PRKAA2: variants seen among roughly 807,000 people sequenced by gnomAD.
PRKAA2 encodes the protein protein kinase AMP-activated catalytic subunit alpha 2.
Under a neutral mutation model 56.3 loss-of-function variants are expected in PRKAA2, and 40 were observed. That is an observed-to-expected ratio of 0.71 (90% CI 0.55 to 0.92). The LOEUF is 0.92. Among genes scored for constraint, PRKAA2 ranks in the 40% least tolerant of loss-of-function variants. The pLI is 0.00. For synonymous variants in PRKAA2, 214 were observed against 234.2 expected (o/e 0.91, Z 0.79); for missense variants, 542 against 686.9 (o/e 0.79, Z 2.36).
intron 2 of PRKAA2, among the ~76,000 whole-genome samples, chr1:56,689,177 A>T (rs1237835069): frequency 6.6e-6 from 1 of 152,190 alleles, no homozygotes; most frequent in Non-Finnish European, 1.5e-5. Context: ...TTGTTACTAA[A>T]TCAGACCAAC....
At chr1:56,654,933 AT>A (rs1484013539) in intron 1 of PRKAA2, among the ~76,000 whole-genome samples, 1 of 151,950 alleles carries the variant, frequency 6.6e-6, no homozygotes, top group Non-Finnish European at 1.5e-5. Context: ...ATTAAAGATA[AT>A]TTATAAAATC....
At chr1:56,688,796 G>T (rs1035189535) in intron 2 of PRKAA2, among the ~76,000 whole-genome samples, 1 of 152,210 alleles carries the variant, frequency 6.6e-6, no homozygotes, top group South Asian at 2.1e-4. Flanking sequence ...TGTTTGAAGA[G>T]AATCTTTATT....
chr1:56,645,872 G>C (rs1646636580), intron 1 of PRKAA2, among the ~76,000 whole-genome samples: 1 of 152,204 alleles, frequency 6.6e-6, no homozygotes, highest in African/African-American at 2.4e-5. Flanking sequence ...GCTTAGGGCG[G>C]GGATCATCCA....
At chr1:56,653,599 A>G (rs961971512) in intron 1 of PRKAA2, among the ~76,000 whole-genome samples, 2 of 152,146 alleles carry the variant, frequency 1.3e-5, no homozygotes, top group African/African-American at 4.8e-5. Flanking sequence ...AAATGTACAT[A>G]GATGAAAAAG....
intron 1 of PRKAA2, among the ~76,000 whole-genome samples, chr1:56,655,280 A>ATTTTTTTTTT (rs1207874046): frequency 1.2e-4 from 11 of 93,654 alleles, no homozygotes; most frequent in Admixed American, 8.2e-4. Context: ...ATATATATAT[A>ATTTTTTTTTT]TTTTTTTTTT....
intron 1 of PRKAA2, among the ~76,000 whole-genome samples, chr1:56,662,136 G>T (rs1643998602): frequency 6.6e-6 from 1 of 151,962 alleles, no homozygotes; most frequent in African/African-American, 2.4e-5. Flanking sequence ...CATTTGTTAG[G>T]CAAGTGTGTC....
intron 2 of PRKAA2, among the ~76,000 whole-genome samples, chr1:56,682,983 A>T (rs1644165517): frequency 6.6e-6 from 1 of 151,382 alleles, no homozygotes; most frequent in Admixed American, 6.6e-5. Flanking sequence ...CCTGGTCTAG[A>T]TGGAGAGAAA....
intron 1 of PRKAA2, among the ~76,000 whole-genome samples, chr1:56,647,328 A>G (rs4912407): frequency 0.87 from 132,458 of 152,194 alleles, 57,737 homozygotes; most frequent in Admixed American, 0.89. Context: ...ACATGTACAC[A>G]CAAAGTTATA....
At position 56,705,318 on chromosome 1, in the gene PRKAA2, A is replaced by T. The variant is rs532009851; in HGVS notation, c.1294-774A>T. ...TTAAAAAAGAGACGTTAACATTTTT[A>T]AAATTCTGTACTGAAACATTTTGAA... On this transcript the variant is annotated intron_variant, in intron 7 of 8. Coordinates refer to ENST00000371244, the MANE Select transcript of PRKAA2 (RefSeq NM_006252.4). 3.6e-4 allele frequency among the ~76,000 whole-genome samples: 55 copies of T among 152,354 alleles called. No homozygotes were observed. In the South Asian group the frequency reaches 0.011, roughly 30 times the overall value.
At chr1:56,653,020 A>G (rs1643914125) in intron 1 of PRKAA2, among the ~76,000 whole-genome samples, 1 of 152,142 alleles carries the variant, frequency 6.6e-6, no homozygotes, top group Non-Finnish European at 1.5e-5. Context: ...AATATGGAAG[A>G]TGAATGAAAC....
chr1:56,651,179 CA>C (rs1437791278), intron 1 of PRKAA2, among the ~76,000 whole-genome samples: 1 of 151,744 alleles, frequency 6.6e-6, no homozygotes, highest in Admixed American at 6.6e-5. Context: ...GATTTAACTC[CA>C]AAAAAATGGG....
chr1:56,703,176 C>T (rs913108512), intron 6 of PRKAA2, among the ~76,000 whole-genome samples: 4 of 152,120 alleles, frequency 2.6e-5, no homozygotes, highest in African/African-American at 9.7e-5. Context: ...GAGAGCAGTT[C>T]TCAGACTTTT....
chr1:56,652,775 G>C (rs895431142), intron 1 of PRKAA2, among the ~76,000 whole-genome samples: 1 of 152,136 alleles, frequency 6.6e-6, no homozygotes, highest in African/African-American at 2.4e-5. Context: ...GAGATGCATG[G>C]CAATTGTAGG....
At chr1:56,649,042 T>A (rs1646666655) in intron 1 of PRKAA2, among the ~76,000 whole-genome samples, 1 of 152,190 alleles carries the variant, frequency 6.6e-6, no homozygotes, top group African/African-American at 2.4e-5. Flanking sequence ...AGTATAAAAG[T>A]TTTGAATTTT....
In PRKAA2 at chr1:56,647,249, T is replaced by G. The variant is rs1428777655; in HGVS notation, c.94+1768T>G. 2.6e-5 allele frequency among the ~76,000 whole-genome samples: 4 copies of G among 152,350 alleles called. No individual in the cohort carries two copies. In the East Asian group the frequency reaches 7.7e-4, roughly 29 times the overall value. The stretch of plus-strand genomic sequence containing the variant: ...CTGTAATGTTACTTGTCATTTAGTA[T>G]TATTATTAAGGACTATTGTGTTACA... On this transcript the variant is annotated intron_variant, in intron 1 of 8. Transcript: ENST00000371244.
chr1:56,701,355 A>G (rs947365918), intron 6 of PRKAA2, among the ~76,000 whole-genome samples: 3 of 152,032 alleles, frequency 2.0e-5, no homozygotes, highest in East Asian at 3.9e-4. Flanking sequence ...AGATTGCGCT[A>G]CTGCACTCCA....
chr1:56,705,382 TG>T (rs1315347626), intron 7 of PRKAA2, among the ~76,000 whole-genome samples: 8 of 141,320 alleles, frequency 5.7e-5, no homozygotes, highest in East Asian at 2.2e-4. Flanking sequence ...AAAGCAGTGT[TG>T]TTTTTTTGTT....
At position 56,696,087 on chromosome 1, in the gene PRKAA2, G is replaced by A. The variant is rs755095917; in HGVS notation, c.716G>A (p.Arg239His). 208 of 1,613,204 alleles carry A rather than the reference G, an allele frequency of 1.3e-4. No individual in the cohort carries two copies. Among genetic ancestry groups the A allele is most frequent in the Non-Finnish European group, 1.6e-4 (189 of 1,179,892 alleles). The change falls in exon 6 of 9, where the codon CGT becomes CAT. Residue 239 changes from arginine (R) to histidine (H), a missense_variant. Arg to His is a conservative substitution (Grantham distance 29, BLOSUM62 0). Around this residue, in one of 5 missense-constraint regions of PRKAA2, gnomAD observed 198 missense variants for 234.0 expected, o/e 0.85. Coordinates refer to ENST00000371244, the MANE Select transcript of PRKAA2 (RefSeq NM_006252.4). ...GVFYIPEYLN[R>H]SVATLLMHML... ...TTTTATATCCCAGAATATCTCAATC[G>A]TTCTGTCGCCACTCTCCTGATGCAT...
Position 56,657,912 on chromosome 1 carries a change from T to C in PRKAA2, c.94+12431T>C, listed in dbSNP as rs75195881. 4.0e-3 allele frequency among the ~76,000 whole-genome samples: 602 copies of C among 152,148 alleles called. 4 individuals are homozygous for C. Among genetic ancestry groups the C allele is most frequent in the African/African-American group, 0.013 (559 of 41,520 alleles). On this transcript the variant is annotated intron_variant, in intron 1 of 8. Coordinates refer to ENST00000371244, the MANE Select transcript of PRKAA2 (RefSeq NM_006252.4). Reference sequence around the variant, plus strand: ...GAAATGCAAAAAGAAATGAAGAGCGTTGGGAAGTCTAAGTATGTGGGTAAC... The same window carrying C: ...GAAATGCAAAAAGAAATGAAGAGCGCTGGGAAGTCTAAGTATGTGGGTAAC...
Sources: allele counts gnomAD v4.1 joint callset (sites outside exome capture counted in the v4.1 genomes callset), GRCh38; gene constraint gnomAD v4.1.1; regional missense constraint gnomAD v4.1.1; transcripts MANE v1.5; gene names NCBI Gene and HGNC (gene_info 2026-07-23, HGNC 2026-07-21).